Variants in EXOC4 observed in about 807,000 individuals in gnomAD.
The protein encoded by EXOC4 is SEC8-like 1.
Under a neutral mutation model 107.2 loss-of-function variants are expected in EXOC4, and 71 were observed. The observed-to-expected ratio is 0.66, with a 90% confidence interval of 0.55 to 0.81. EXOC4 has a LOEUF of 0.81. EXOC4 is among the 30% of genes least tolerant of loss of function. EXOC4 has a pLI of 0.00. For missense variants in EXOC4, 1,108 were observed against 1,189.6 expected (o/e 0.93, Z 1.01); for synonymous variants, 456 against 441.2 (o/e 1.03, Z -0.42).
At chr7:133,684,519 A>G (rs895074915) in intron 10 of EXOC4, among the ~76,000 whole-genome samples, 2 of 152,186 alleles carry the variant, frequency 1.3e-5, no homozygotes, top group African/African-American at 4.8e-5. Flanking sequence ...AGAAAATGCA[A>G]GAAAGAAAAA....
intron 9 of EXOC4, among the ~76,000 whole-genome samples, chr7:133,505,095 G>C (rs1192642431): frequency 1.3e-5 from 2 of 152,108 alleles, no homozygotes; most frequent in Non-Finnish European, 2.9e-5. Context: ...AAAAACTCTA[G>C]ACTCTGCATA....
Position 133,348,464 on chromosome 7 carries a change from A to G in EXOC4, c.764-7866A>G, listed in dbSNP as rs77138062. ...CTCAAGTCTTATTGATTTAAACTGCATTTACCTCATCACTAATCACTCTTG... is the reference window on the plus strand; with the variant it reads ...CTCAAGTCTTATTGATTTAAACTGCGTTTACCTCATCACTAATCACTCTTG... On this transcript the variant is annotated intron_variant, in intron 5 of 17. Coordinates refer to ENST00000253861, the MANE Select transcript of EXOC4 (RefSeq NM_021807.4). Among the ~76,000 whole-genome samples the G allele has an allele frequency of 2.6e-3, 399 of 152,240 alleles. 1 individual carries two copies. The highest frequency in any genetic ancestry group is 3.5e-3 in the Non-Finnish European group (235 of 67,998).
chr7:134,073,614 A>G, the EXOC4 span, among the ~76,000 whole-genome samples: 32 of 152,060 alleles, frequency 2.1e-4, no homozygotes, highest in Non-Finnish European at 3.4e-4. Context: ...TGGATTTCTA[A>G]TAAGTTCACA....
rs148073739 is a variant in EXOC4 at position 134,005,051 on chromosome 7, G to T, written c.2488G>T (p.Ala830Ser). The change falls in exon 16 of 18, where the codon GCC (alanine) becomes TCC (serine). Residue 830 changes from alanine to serine, a missense_variant. Coordinates refer to ENST00000253861, the MANE Select transcript of EXOC4 (RefSeq NM_021807.4). ...CAGCGCCATTGAAGAGGCCATGAGC[G>T]CCAGCCTTCAGCAGCACAAGTTCCA... ...DISAIEEAMS[A>S]SLQQHKFQYI... 2.5e-6 allele frequency: 4 copies of T among 1,613,422 alleles called. No homozygotes were observed. The highest frequency in any genetic ancestry group is 3.3e-5 in the Admixed American group (2 of 59,964).
At chr7:133,752,913 T>A (rs1041451509) in intron 10 of EXOC4, among the ~76,000 whole-genome samples, 1 of 152,212 alleles carries the variant, frequency 6.6e-6, no homozygotes, top group African/African-American at 2.4e-5. Flanking sequence ...CTCCACTGGC[T>A]CTGTCAGACA....
chr7:133,597,553 TCAAAAAAAAAAAAAAAAAAAAACC>T (rs1394376091), intron 9 of EXOC4, among the ~76,000 whole-genome samples: 1 of 36,104 alleles, frequency 2.8e-5, no homozygotes, highest in Non-Finnish European at 6.2e-5. Flanking sequence ...AAACTCTGTT[TCAAAAAAAAAAAAAAAAAAAAACC>T]CAAAAAAAAA....
At chr7:133,809,733 GCA>G (rs1797170517) in intron 10 of EXOC4, among the ~76,000 whole-genome samples, 1 of 152,124 alleles carries the variant, frequency 6.6e-6, no homozygotes, top group South Asian at 2.1e-4. Context: ...ATGATATACA[GCA>G]AAGTCAGGAG....
intron 7 of EXOC4, among the ~76,000 whole-genome samples, chr7:133,439,090 G>A (rs1169589007): frequency 6.7e-6 from 1 of 150,118 alleles, no homozygotes; most frequent in Non-Finnish European, 1.5e-5. Flanking sequence ...GATTACCACT[G>A]TTCCTTTCAG....
chr7:133,559,517 T>G (rs1405736887), intron 9 of EXOC4, among the ~76,000 whole-genome samples: 1 of 152,196 alleles, frequency 6.6e-6, no homozygotes, highest in Non-Finnish European at 1.5e-5. Context: ...TGATTTGAAA[T>G]GCACTGTGTT....
At chr7:134,096,917 T>C in the EXOC4 span, among the ~76,000 whole-genome samples, 1 of 152,054 alleles carries the variant, frequency 6.6e-6, no homozygotes, top group Non-Finnish European at 1.5e-5. Flanking sequence ...CTTTGCATTC[T>C]TCAATCAAGT....
At chr7:133,496,181 G>C (rs1378469675) in intron 9 of EXOC4, among the ~76,000 whole-genome samples, 1 of 151,914 alleles carries the variant, frequency 6.6e-6, no homozygotes, top group Non-Finnish European at 1.5e-5. Flanking sequence ...ATGCGGTCTT[G>C]CTCTGTCCCC....
At chr7:133,809,615 G>A (rs1440334448) in intron 10 of EXOC4, among the ~76,000 whole-genome samples, 3 of 152,166 alleles carry the variant, frequency 2.0e-5, no homozygotes, top group South Asian at 2.1e-4. Flanking sequence ...GATAAATCAC[G>A]CGTTTCTATT....
At chr7:133,552,613 G>A (rs1358072304) in intron 9 of EXOC4, among the ~76,000 whole-genome samples, 1 of 152,090 alleles carries the variant, frequency 6.6e-6, no homozygotes, top group Non-Finnish European at 1.5e-5. Flanking sequence ...TCTGTTTGCT[G>A]AAACTCAGTA....
intron 9 of EXOC4, among the ~76,000 whole-genome samples, chr7:133,560,507 T>G (rs1273026418): frequency 1.3e-5 from 2 of 152,130 alleles, no homozygotes; most frequent in African/African-American, 4.8e-5. Context: ...CTGGTTGGAA[T>G]TCCTGGCCTC....
chr7:133,547,435 A>G (rs1800503580), intron 9 of EXOC4, among the ~76,000 whole-genome samples: 2 of 152,196 alleles, frequency 1.3e-5, no homozygotes, highest in Admixed American at 1.3e-4. Context: ...TAACTGTGCC[A>G]ATTTCTGGAA....
At chr7:133,580,445 T>G (rs1229851897) in intron 9 of EXOC4, among the ~76,000 whole-genome samples, 1 of 152,206 alleles carries the variant, frequency 6.6e-6, no homozygotes, top group African/African-American at 2.4e-5. Context: ...GACTACAGCA[T>G]TTGACTTTTT....
chr7:133,881,341 T>C (rs999127147), intron 11 of EXOC4, among the ~76,000 whole-genome samples: 1 of 141,902 alleles, frequency 7.0e-6, no homozygotes, highest in African/African-American at 2.6e-5. Context: ...AATCCCATGC[T>C]GTTTCATGTT....
chr7:133,370,386 C>G (rs757476679), intron 6 of EXOC4, among the ~76,000 whole-genome samples: 1 of 151,712 alleles, frequency 6.6e-6, no homozygotes, highest in Non-Finnish European at 1.5e-5. Context: ...TGGTTTCGTC[C>G]GGAAAGGTGG....
intron 10 of EXOC4, among the ~76,000 whole-genome samples, chr7:133,758,877 A>G (rs753194905): frequency 2.6e-5 from 4 of 152,200 alleles, no homozygotes; most frequent in Non-Finnish European, 4.4e-5. Context: ...TACAGAGGAC[A>G]AAGATCATGT....
Sources: gnomAD v4.1 joint callset for allele counts (sites outside exome capture counted in the v4.1 genomes callset) on GRCh38, gnomAD v4.1.1 for gene constraint, MANE v1.5 for transcripts, NCBI Gene and HGNC (gene_info 2026-07-23, HGNC 2026-07-21) for gene names.